Variants in SPIC observed in about 807,000 individuals in gnomAD.
SPIC encodes the protein transcription factor Spi-C.
In SPIC, 9 loss-of-function variants were observed where a neutral mutation model predicts 16.7. The observed-to-expected ratio is 0.54, with a 90% CI of 0.33 to 0.94. The LOEUF (loss-of-function observed/expected upper bound fraction) is 0.94. SPIC is among the 40% of genes least tolerant of loss of function. SPIC has a pLI of 0.03. For missense variants in SPIC, 241 were observed against 285.8 expected, an observed-to-expected ratio of 0.84 and a Z score of 1.13; for synonymous variants, 97 against 102.9, an observed-to-expected ratio of 0.94 and a Z score of 0.35.
intron 5 of SPIC, among the ~76,000 whole-genome samples, chr12:101,483,313 G>A (rs1232892397): frequency 2.0e-5 from 3 of 152,094 alleles, no homozygotes; most frequent in Admixed American, 6.5e-5. Flanking sequence ...TGACAGGATC[G>A]TCACTATCAC....
chr12:101,483,977 A>T (rs974240714), intron 5 of SPIC, among the ~76,000 whole-genome samples: 2 of 151,536 alleles, frequency 1.3e-5, no homozygotes, highest in Non-Finnish European at 2.9e-5. Context: ...TTATTTATTT[A>T]TTTTTATTTT....
intron 4 of SPIC, among the ~76,000 whole-genome samples, chr12:101,481,749 G>A (rs1873204943): frequency 6.6e-6 from 1 of 150,666 alleles, no homozygotes; most frequent in African/African-American, 2.4e-5. Context: ...CCTGACCTCA[G>A]GTGATCCACC....
At chr12:101,484,218 C>A (rs192862923) in intron 5 of SPIC, among the ~76,000 whole-genome samples, 15 of 151,802 alleles carry the variant, frequency 9.9e-5, no homozygotes, top group Non-Finnish European at 1.9e-4. Context: ...TGTACTCTTG[C>A]ACTTTTTCCA....
At chr12:101,479,559 T>TTC in intron 3 of SPIC, 23 bp from the exon 4 acceptor site, 3 of 1,593,498 alleles carry the variant, frequency 1.9e-6, no homozygotes, top group Non-Finnish European at 2.6e-6. Flanking sequence ...CTTTTTTAGT[T>TTC]TCTTTCTCTG....
intron 4 of SPIC, among the ~76,000 whole-genome samples, chr12:101,480,872 G>T (rs901019927): frequency 7.9e-5 from 12 of 152,204 alleles, no homozygotes; most frequent in African/African-American, 2.9e-4. Flanking sequence ...TTTGGTTCCA[G>T]CTTAACCTCT....
At chr12:101,479,242 A>G (rs71440838) in intron 3 of SPIC, among the ~76,000 whole-genome samples, 1,170 of 44,500 alleles carry the variant, frequency 0.026, 41 homozygotes, top group Middle Eastern at 0.056. Context: ...GAAAGAAAGA[A>G]AAAGAAAGAA....
chr12:101,475,385 T>G lies in SPIC; in HGVS notation c.-195T>G, dbSNP rs934488366. The G allele has an allele frequency of 2.0e-5, 3 of 152,176 alleles. No homozygotes were observed. Among genetic ancestry groups the G allele is most frequent in the Non-Finnish European group, 4.4e-5 (3 of 68,034 alleles). The allele number at this position is 152,176 out of a possible 1,614,324, so 9.4% of individuals were successfully genotyped here. A position where few individuals can be genotyped will look rare whatever the true frequency, so the allele number is the denominator to read the frequency against. ...ATTTTTAAAAAAAATATTACTATTT[T>G]TTTTCATCAGAGCCATTGCACTGGA... On this transcript the variant is annotated 5_prime_UTR_variant, in exon 1 of 6. Transcript: ENST00000551346.
At chr12:101,480,444 T>C (rs535233459) in intron 4 of SPIC, among the ~76,000 whole-genome samples, 1 of 152,202 alleles carries the variant, frequency 6.6e-6, no homozygotes, top group Non-Finnish European at 1.5e-5. Context: ...ATTGGACCAA[T>C]TCATTGATAT....
chr12:101,482,925 A>G (rs1355061660), intron 5 of SPIC, 25 bp downstream of exon 5: 2 of 1,596,914 alleles, frequency 1.3e-6, no homozygotes, highest in Non-Finnish European at 1.7e-6. Context: ...CATTCGTTAT[A>G]CAGGTAAAAG....
intron 4 of SPIC, among the ~76,000 whole-genome samples, chr12:101,481,517 T>C (rs567556084): frequency 6.6e-6 from 1 of 151,294 alleles, no homozygotes; most frequent in East Asian, 2.0e-4. Context: ...CTAATTTTTT[T>C]TTTTTTTTTG....
Position 101,479,219 on chromosome 12 carries a change from A to AGAAAGAAAG in SPIC, c.98-360_98-359insAGAAAGGAA, listed in dbSNP as rs1491303702. ...AAGAAAGAAAGAAAGAAAGAAAGAA[A>AGAAAGAAAG]GAAGGAAAGAAAGAAAGAAAGAAAA... On this transcript the variant is annotated intron_variant, in intron 3 of 5. Transcript: ENST00000551346. Among the ~76,000 whole-genome samples the AGAAAGAAAG allele has an allele frequency of 1.2e-3, 96 of 83,362 alleles. 7 individuals are homozygous for AGAAAGAAAG. Among genetic ancestry groups the AGAAAGAAAG allele is most frequent in the African/African-American group, 3.4e-3 (92 of 26,788 alleles). The allele number at this position is 83,362 out of a possible 152,430, so 54.7% of individuals were successfully genotyped here. A position where few individuals can be genotyped will look rare whatever the true frequency, so the allele number is the denominator to read the frequency against.
chr12:101,484,034 G>A (rs2121263427), intron 5 of SPIC, among the ~76,000 whole-genome samples: 1 of 150,630 alleles, frequency 6.6e-6, no homozygotes, highest in Non-Finnish European at 1.5e-5. Flanking sequence ...ACAGAGTCTA[G>A]CTCTTTTTAT....
intron 3 of SPIC, among the ~76,000 whole-genome samples, chr12:101,479,290 A>C (rs1873099394): frequency 2.2e-5 from 1 of 44,970 alleles, no homozygotes; most frequent in African/African-American, 1.7e-4. Flanking sequence ...AAGAAAAAGA[A>C]AGAAAGAAAG....
chr12:101,476,083 A>G (rs1475978606), intron 1 of SPIC, among the ~76,000 whole-genome samples: 2 of 152,218 alleles, frequency 1.3e-5, no homozygotes, highest in Non-Finnish European at 2.9e-5. Context: ...ATACTTGCAT[A>G]AAAAGAACTG....
chr12:101,480,655 G>T (rs1873157843), intron 4 of SPIC, among the ~76,000 whole-genome samples: 1 of 152,082 alleles, frequency 6.6e-6, no homozygotes, highest in South Asian at 2.1e-4. Context: ...TCTATAAATT[G>T]TTCCCTTGGG....
chr12:101,479,158 G>GAAAGAAAGAAAGAA, intron 3 of SPIC, among the ~76,000 whole-genome samples: 2 of 78,326 alleles, frequency 2.6e-5, no homozygotes, highest in African/African-American at 9.7e-5. Flanking sequence ...AGAAAGAAAA[G>GAAAGAAAGAAAGAA]AAAGAAAGAA....
rs759289491 is a variant in SPIC at position 101,486,552 on chromosome 12, C to T, written c.528C>T (p.Tyr176=). The T allele has an allele frequency of 5.0e-6, 8 of 1,614,124 alleles. No homozygotes were observed. Among genetic ancestry groups the T allele is most frequent in the South Asian group, 2.2e-5 (2 of 91,080 alleles). Residue 176 remains tyrosine (Y), a synonymous_variant, in exon 6 of 6, where the codon TAC becomes TAT. Coordinates refer to ENST00000551346, the MANE Select transcript of SPIC (RefSeq NM_152323.3). ...YQKMARALRN[Y]GRSGEITKIR... The stretch of plus-strand genomic sequence containing the variant: ...AAATGGCCAGGGCACTCAGAAATTA[C>T]GGAAGAAGTGGGGAAATTACCAAAA...
intron 5 of SPIC, among the ~76,000 whole-genome samples, chr12:101,486,116 C>A (rs1046901144): frequency 4.6e-5 from 7 of 152,200 alleles, no homozygotes; most frequent in Non-Finnish European, 8.8e-5. Context: ...ACATTCTTAA[C>A]AACTTCTCCA....
At chr12:101,480,239 G>A (rs1873145314) in intron 4 of SPIC, among the ~76,000 whole-genome samples, 2 of 152,194 alleles carry the variant, frequency 1.3e-5, no homozygotes, top group African/African-American at 4.8e-5. Flanking sequence ...AGACTGGTTT[G>A]GATGACTTCG....
Sources: gnomAD v4.1 joint callset for allele counts (sites outside exome capture counted in the v4.1 genomes callset) on GRCh38, gnomAD v4.1.1 for gene constraint, MANE v1.5 for transcripts, NCBI Gene and HGNC (gene_info 2026-07-23, HGNC 2026-07-21) for gene names.